FNBP1L: variants seen among roughly 807,000 people sequenced by gnomAD.
FNBP1L encodes formin-binding protein 1-like.
In FNBP1L, 36 loss-of-function variants were observed where a neutral mutation model predicts 91.2. The ratio of observed to expected loss-of-function variants is 0.39; its 90% CI spans 0.30 to 0.52. FNBP1L has a LOEUF of 0.52. Among genes scored for constraint, FNBP1L ranks in the 20% least tolerant of loss-of-function variants. The pLI is 0.66. For synonymous variants in FNBP1L, 242 were observed against 237.0 expected (o/e 1.02, Z -0.19); for missense variants, 571 against 732.1 (o/e 0.78, Z 2.54).
chr1:93,474,349 A>G (rs1250224039), intron 1 of FNBP1L, among the ~76,000 whole-genome samples: 2 of 152,240 alleles, frequency 1.3e-5, no homozygotes, highest in African/African-American at 4.8e-5. Flanking sequence ...ACCATTGATA[A>G]TAGTCTGTTG....
chr1:93,461,322 A>C (rs1258622061), intron 1 of FNBP1L, among the ~76,000 whole-genome samples: 2 of 152,114 alleles, frequency 1.3e-5, no homozygotes, highest in Non-Finnish European at 2.9e-5. Flanking sequence ...TGTCACATAT[A>C]CCATTGCTGT....
At chr1:93,512,853 A>G (rs2101739492) in intron 2 of FNBP1L, among the ~76,000 whole-genome samples, 2 of 152,270 alleles carry the variant, frequency 1.3e-5, no homozygotes, top group East Asian at 3.8e-4. Flanking sequence ...TAACATCACA[A>G]TTAAAAGAAC....
intron 2 of FNBP1L, among the ~76,000 whole-genome samples, chr1:93,509,344 G>T (rs973301771): frequency 2.0e-5 from 3 of 152,172 alleles, no homozygotes; most frequent in African/African-American, 7.2e-5. Context: ...AGCCCAGAGG[G>T]TTGTACACAA....
At chr1:93,538,362 T>C (rs1346405369) in intron 10 of FNBP1L, among the ~76,000 whole-genome samples, 1 of 152,046 alleles carries the variant, frequency 6.6e-6, no homozygotes, top group Non-Finnish European at 1.5e-5. Flanking sequence ...TCATAAGTTA[T>C]TTACGTAAGA....
intron 1 of FNBP1L, among the ~76,000 whole-genome samples, chr1:93,485,134 G>C: frequency 7.5e-6 from 1 of 132,670 alleles, no homozygotes; most frequent in Non-Finnish European, 1.6e-5. Context: ...CTGAGCAACA[G>C]AATGAGACCC....
intron 1 of FNBP1L, among the ~76,000 whole-genome samples, chr1:93,468,062 C>A (rs1429739487): frequency 6.6e-6 from 1 of 152,174 alleles, no homozygotes; most frequent in Non-Finnish European, 1.5e-5. Context: ...CTTTTCATTA[C>A]CTCAGAAGGA....
intron 1 of FNBP1L, among the ~76,000 whole-genome samples, chr1:93,482,628 C>T (rs928640826): frequency 1.3e-5 from 2 of 152,132 alleles, no homozygotes; most frequent in African/African-American, 4.8e-5. Context: ...CACAGTGGCT[C>T]ACACCTGTAA....
At chr1:93,510,681 A>G (rs1670802503) in intron 2 of FNBP1L, among the ~76,000 whole-genome samples, 1 of 152,168 alleles carries the variant, frequency 6.6e-6, no homozygotes, top group African/African-American at 2.4e-5. Context: ...CATTCAAACC[A>G]AAGGCAAAGA....
chr1:93,473,463 C>T (rs1669376676), intron 1 of FNBP1L, among the ~76,000 whole-genome samples: 1 of 151,980 alleles, frequency 6.6e-6, no homozygotes, highest in Non-Finnish European at 1.5e-5. Flanking sequence ...TGTGTGACTC[C>T]AAAACTTTTT....
At chr1:93,460,391 A>C (rs1259735337) in intron 1 of FNBP1L, among the ~76,000 whole-genome samples, 2 of 152,224 alleles carry the variant, frequency 1.3e-5, no homozygotes. Flanking sequence ...AACAATGACA[A>C]ATAAATTTCT....
chr1:93,502,919 A>G lies in FNBP1L; in HGVS notation c.140+3336A>G, dbSNP rs1233778380. On this transcript the variant is annotated intron_variant, in intron 2 of 16. Coordinates refer to ENST00000271234, the MANE Select transcript of FNBP1L (RefSeq NM_001164473.3). ...TGACTACTTAGTAAATGATTGGATT[A>G]TCAGCTGCTGTTTATAGTATGTCTT... 3.9e-5 allele frequency among the ~76,000 whole-genome samples: 6 copies of G among 152,344 alleles called. No homozygotes were observed. In the Middle Eastern group the frequency reaches 0.017, roughly 432 times the overall value.
At chr1:93,507,996 T>G (rs1388433747) in intron 2 of FNBP1L, among the ~76,000 whole-genome samples, 2 of 151,634 alleles carry the variant, frequency 1.3e-5, no homozygotes, top group Non-Finnish European at 2.9e-5. Flanking sequence ...ATGATCATTA[T>G]AACATTTAAA....
intron 2 of FNBP1L, among the ~76,000 whole-genome samples, chr1:93,509,072 TG>T (rs1191310726): frequency 6.6e-6 from 1 of 152,210 alleles, no homozygotes. Context: ...TAAATACTCC[TG>T]GACCTTAATA....
intron 11 of FNBP1L, among the ~76,000 whole-genome samples, 152 bp downstream of exon 11, chr1:93,541,208 GTACTC>G (rs1266302528): frequency 6.6e-6 from 1 of 152,118 alleles, no homozygotes; most frequent in Non-Finnish European, 1.5e-5. Flanking sequence ...GCATATGCCA[GTACTC>G]TTGATGTCAT....
chr1:93,543,040 C>T (rs1463295473), intron 11 of FNBP1L, among the ~76,000 whole-genome samples: 8 of 152,030 alleles, frequency 5.3e-5, no homozygotes, highest in Admixed American at 1.3e-4. Context: ...GTGATCCACC[C>T]GCCTCAGCCT....
At chr1:93,519,280 T>C (rs933241834) in intron 2 of FNBP1L, among the ~76,000 whole-genome samples, 9 of 152,210 alleles carry the variant, frequency 5.9e-5, no homozygotes, top group Non-Finnish European at 7.3e-5. Context: ...TCATATTTGA[T>C]GTTCCAGCAA....
chr1:93,535,201 A>G (rs1464516160), intron 9 of FNBP1L, among the ~76,000 whole-genome samples: 1 of 152,136 alleles, frequency 6.6e-6, no homozygotes, highest in Non-Finnish European at 1.5e-5. Flanking sequence ...AGAATTTTTA[A>G]GGAAACATGA....
At chr1:93,486,231 A>G (rs1045974232) in intron 1 of FNBP1L, among the ~76,000 whole-genome samples, 2 of 152,112 alleles carry the variant, frequency 1.3e-5, no homozygotes, top group Admixed American at 1.3e-4. Context: ...TACAGCATTG[A>G]TGTTTGGTCT....
At chr1:93,516,832 A>C (rs1337138185) in intron 2 of FNBP1L, among the ~76,000 whole-genome samples, 1 of 152,172 alleles carries the variant, frequency 6.6e-6, no homozygotes, top group Non-Finnish European at 1.5e-5. Flanking sequence ...TGAACTTAAA[A>C]GTAATTTCTA....
Sources: gnomAD v4.1 joint callset for allele counts (sites outside exome capture counted in the v4.1 genomes callset) on GRCh38, gnomAD v4.1.1 for gene constraint, MANE v1.5 for transcripts, NCBI Gene and HGNC (gene_info 2026-07-23, HGNC 2026-07-21) for gene names.